Variants in MCTP2 observed in about 807,000 individuals in gnomAD.
MCTP2 encodes multiple C2 and transmembrane domain containing 2, also known as multiple C2 and transmembrane domain-containing protein 2.
MCTP2 carries 132 observed loss-of-function variants against 111.6 expected under a neutral mutation model. That is an observed-to-expected ratio of 1.18 (90% CI 1.03 to 1.37). The LOEUF is 1.37. Ranked by LOEUF, MCTP2 falls within the 40% of genes most tolerant of loss-of-function variation. The pLI is 0.00. For synonymous variants in MCTP2, 395 were observed against 387.7 expected, an observed-to-expected ratio of 1.02 and a Z score of -0.22; for missense variants, 1,183 against 1,067.9, an observed-to-expected ratio of 1.11 and a Z score of -1.50.
At chr15:94,385,567 T>C (rs1463857249) in intron 14 of MCTP2, 42 bp downstream of exon 14, 5 of 1,364,772 alleles carry the variant, frequency 3.7e-6, no homozygotes, top group Non-Finnish European at 4.2e-6. Context: ...AGTCATTTTA[T>C]AGTTGATGAG....
intron 17 of MCTP2, among the ~76,000 whole-genome samples, chr15:94,432,277 G>A (rs1303442260): frequency 6.6e-6 from 1 of 152,140 alleles, no homozygotes. Flanking sequence ...ACAGAAAGCA[G>A]ATTTTTCATT....
At chr15:94,290,148 C>T (rs1026194219) in intron 1 of MCTP2, among the ~76,000 whole-genome samples, 1 of 151,154 alleles carries the variant, frequency 6.6e-6, no homozygotes, top group East Asian at 1.9e-4. Flanking sequence ...TCAACTAGAG[C>T]CTCCAAAAAA....
intron 17 of MCTP2, among the ~76,000 whole-genome samples, chr15:94,414,819 A>G (rs934919544): frequency 2.6e-5 from 4 of 152,142 alleles, no homozygotes; most frequent in African/African-American, 7.2e-5. Context: ...CTAATGACCT[A>G]TGGGTATTAA....
In MCTP2 at chr15:94,480,359, C is replaced by A. The variant is rs1356230706; in HGVS notation, c.*1325C>A. 6.7e-6 allele frequency: 1 copy of A among 149,576 alleles called. No individual in the cohort carries two copies. Among genetic ancestry groups the A allele is most frequent in the Non-Finnish European group, 1.5e-5 (1 of 67,592 alleles). 9.3% of individuals were successfully genotyped at this position (149,576 alleles called of 1,614,324 possible). ...TGTCTCTGGGTTGTAATTTAATAAT[C>A]TTCAAACAAAATGTTTACGAAAAAT... is the stretch of plus-strand genomic sequence containing the variant. On this transcript the variant is annotated 3_prime_UTR_variant, in exon 23 of 23. Transcript: ENST00000357742.
chr15:94,332,432 C>T (rs1464589552), intron 4 of MCTP2, among the ~76,000 whole-genome samples: 1 of 152,164 alleles, frequency 6.6e-6, no homozygotes, highest in Non-Finnish European at 1.5e-5. Flanking sequence ...ACTTATTACT[C>T]TTACCCTATT....
intron 18 of MCTP2, among the ~76,000 whole-genome samples, chr15:94,442,695 T>C (rs1178150038): frequency 4.6e-5 from 7 of 152,350 alleles, no homozygotes; most frequent in African/African-American, 1.7e-4. Context: ...ACTGGCCTAA[T>C]AGCTTTATTT....
intron 1 of MCTP2, among the ~76,000 whole-genome samples, chr15:94,282,577 A>C (rs541950886): frequency 1.2e-3 from 182 of 152,274 alleles, no homozygotes; most frequent in African/African-American, 4.1e-3. Context: ...TCATTGCTGG[A>C]GAGCTAGTGT....
At chr15:94,402,186 T>C (rs2152476397) in intron 17 of MCTP2, 167 bp downstream of exon 17, 6 of 870,448 alleles carry the variant, frequency 6.9e-6, no homozygotes, top group Non-Finnish European at 8.3e-6. Context: ...CTTAGTCATA[T>C]ATGGTCTCTT....
intron 1 of MCTP2, among the ~76,000 whole-genome samples, chr15:94,251,559 A>T (rs1417927570): frequency 2.0e-5 from 3 of 151,850 alleles, no homozygotes; most frequent in Non-Finnish European, 4.4e-5. Context: ...GGGTTTCTCC[A>T]TGTCAGTCAG....
intron 19 of MCTP2, among the ~76,000 whole-genome samples, chr15:94,447,854 C>T (rs1214883084): frequency 6.6e-6 from 1 of 152,194 alleles, no homozygotes. Context: ...CACTCACCTT[C>T]AGGGATATAC....
intron 1 of MCTP2, among the ~76,000 whole-genome samples, chr15:94,287,201 A>G (rs576383181): frequency 3.3e-5 from 5 of 151,476 alleles, no homozygotes; most frequent in African/African-American, 1.2e-4. Context: ...ATTTTCAGGC[A>G]CAAAAGAGAC....
intron 12 of MCTP2, among the ~76,000 whole-genome samples, chr15:94,375,555 C>T (rs1012105994): frequency 1.3e-5 from 2 of 152,012 alleles, no homozygotes; most frequent in African/African-American, 4.8e-5. Flanking sequence ...TTTTTGGCAC[C>T]CTTTGCCATT....
intron 1 of MCTP2, among the ~76,000 whole-genome samples, chr15:94,245,236 GTA>G (rs1190202025): frequency 1.6e-3 from 207 of 133,058 alleles, no homozygotes; most frequent in African/African-American, 5.6e-3. Flanking sequence ...ACATATGTAT[GTA>G]TATATACACA....
At chr15:94,314,399 A>G (rs968580842) in intron 3 of MCTP2, 55 bp downstream of exon 3, 7 of 1,312,660 alleles carry the variant, frequency 5.3e-6, no homozygotes, top group Admixed American at 2.1e-5. Context: ...TTCTCATCAA[A>G]TGTTTGGGTT....
At chr15:94,263,663 A>T (rs1488698269) in intron 1 of MCTP2, among the ~76,000 whole-genome samples, 2 of 152,214 alleles carry the variant, frequency 1.3e-5, no homozygotes, top group African/African-American at 2.4e-5. Flanking sequence ...GCACAAAGAG[A>T]TGAAAAACAC....
intron 4 of MCTP2, among the ~76,000 whole-genome samples, chr15:94,332,099 T>C (rs8041741): frequency 0.51 from 76,967 of 151,948 alleles, 19,565 homozygotes; most frequent in Admixed American, 0.55. Context: ...TTTCTCTGCA[T>C]GGGAGAAGTT....
In MCTP2 at chr15:94,479,347, C is replaced by T. The variant is rs748448867; in HGVS notation, c.*313C>T. ...ATCTGAACACCACCTTCCTTGAGAA[C>T]AGCCAGGAGCCCACTTGGATTCAAG... On this transcript the variant is annotated 3_prime_UTR_variant, in exon 23 of 23. Transcript: ENST00000357742. The T allele has an allele frequency of 1.4e-5, 5 of 364,726 alleles. No homozygotes were observed. Among genetic ancestry groups the T allele is most frequent in the Non-Finnish European group, 2.0e-5 (4 of 197,794 alleles). 22.6% of individuals were successfully genotyped at this position (364,726 alleles called of 1,614,324 possible). A position where few individuals can be genotyped will look rare whatever the true frequency, so the allele number is the denominator to read the frequency against.
intron 15 of MCTP2, among the ~76,000 whole-genome samples, 178 bp downstream of exon 15, chr15:94,399,240 T>C (rs2081432082): frequency 6.6e-6 from 1 of 152,222 alleles, no homozygotes. Flanking sequence ...CCTGCTTTCT[T>C]CTGGAAAACG....
chr15:94,391,969 A>T (rs1192280969), intron 14 of MCTP2, among the ~76,000 whole-genome samples: 1 of 152,238 alleles, frequency 6.6e-6, no homozygotes, highest in African/African-American at 2.4e-5. Context: ...CCTAAAACAC[A>T]GTAATACACA....
Sources: allele counts gnomAD v4.1 joint callset (sites outside exome capture counted in the v4.1 genomes callset), GRCh38; gene constraint gnomAD v4.1.1; transcripts MANE v1.5; gene names NCBI Gene and HGNC (gene_info 2026-07-23, HGNC 2026-07-21).